The following CENPN variants were observed in gnomAD, a reference collection of about 807,000 sequenced individuals.
CENPN encodes the protein interphase centromere complex protein 32.
Under a neutral mutation model 48.6 loss-of-function variants are expected in CENPN, and 36 were observed. That is an observed-to-expected ratio of 0.74 (90% CI 0.57 to 0.98). The LOEUF (loss-of-function observed/expected upper bound fraction) is 0.98. Among genes scored for constraint, CENPN ranks in the 50% least tolerant of loss-of-function variants. The probability of loss-of-function intolerance (pLI) is 0.00; values close to 1 mark genes in which losing one functional copy is unlikely to be tolerated. For synonymous variants in CENPN, 166 were observed against 135.2 expected (o/e 1.23, Z -1.58); for missense variants, 439 against 399.2 (o/e 1.10, Z -0.85).
Position 81,022,619 on chromosome 16 carries a change from A to G in CENPN, c.554A>G (p.His185Arg), listed in dbSNP as rs1214987010. 1 of 1,613,924 alleles carries G rather than the reference A, an allele frequency of 6.2e-7. No homozygotes were observed. Among genetic ancestry groups the G allele is most frequent in the East Asian group, 2.2e-5 (1 of 44,866 alleles). Residue 185 changes from histidine (H) to arginine (R), a missense_variant, in exon 7 of 11, where the codon CAC (histidine) becomes CGC (arginine). By Grantham distance (29) the His-to-Arg change is conservative (BLOSUM62 0). Coordinates refer to ENST00000305850, the MANE Select transcript of CENPN (RefSeq NM_001100624.3). ...AAGGCGCTGACAATTGCTAGCAAAC[A>G]CCATCAGATTGTGAAAATGGACCTG... ...LGQALTIASK[H>R]HQIVKMDLRS... is the part of the protein sequence containing the mutation.
At chr16:81,013,079 AT>A (rs1567547713) in intron 2 of CENPN, among the ~76,000 whole-genome samples, 2 of 152,202 alleles carry the variant, frequency 1.3e-5, no homozygotes, top group African/African-American at 4.8e-5. Context: ...GTGTGTACTA[AT>A]GTTCACAGCA....
rs772391897 is a variant in CENPN at position 81,028,284 on chromosome 16, C to A, written c.924C>A (p.Ser308=). The part of the protein sequence containing the change: ...SSPHLLEALK[S]LAPAGIADAP... ...CACATCTTCTGGAAGCATTGAAATC[C>A]TTAGCACCAGCGGGTGAGTGGTCAG... Residue 308 remains serine, a synonymous_variant, in exon 10 of 11, where the codon TCC becomes TCA. Coordinates refer to ENST00000305850, the MANE Select transcript of CENPN (RefSeq NM_001100624.3). The A allele has an allele frequency of 1.2e-6, 2 of 1,614,006 alleles. No homozygotes were observed. The highest frequency in any genetic ancestry group is 8.5e-7 in the Non-Finnish European group (1 of 1,180,000).
rs1431026477 is a variant in CENPN, at chr16:81,024,816, G to A, written c.697+38G>A. On this transcript the variant is annotated intron_variant, in intron 8 of 10. Transcript: ENST00000305850. Reference sequence around the variant, plus strand: ...TAATATGAAACTGAATTTTGGAAATGCATCATTCCCTTATAGATTTCTTTC... The same window carrying A: ...TAATATGAAACTGAATTTTGGAAATACATCATTCCCTTATAGATTTCTTTC... The A allele has an allele frequency of 3.5e-5, 46 of 1,297,770 alleles. No individual in the cohort carries two copies. The Admixed American group carries it at 8.1e-4, about 23-fold the overall frequency. 80.4% of individuals were successfully genotyped at this position (1,297,770 alleles called of 1,614,324 possible). A position where few individuals can be genotyped will look rare whatever the true frequency, so the allele number is the denominator to read the frequency against.
At chr16:81,011,824 G>A in intron 1 of CENPN, 106 bp from the exon 2 acceptor site, 2 of 933,376 alleles carry the variant, frequency 2.1e-6, no homozygotes, top group Non-Finnish European at 3.2e-6. Flanking sequence ...GCAATCTAGT[G>A]AGACCCTGTC....
chr16:81,030,094 G>A lies in CENPN; in HGVS notation c.*1443G>A, dbSNP rs1567558435. On this transcript the variant is annotated 3_prime_UTR_variant, in exon 11 of 11. Transcript: ENST00000305850. ...AAACTTATTCACTACCATGAGAATA[G>A]TATGGGGGAAATCGTTCCCATGACT... 2 of 513,646 alleles carry A rather than the reference G, an allele frequency of 3.9e-6. No individual in the cohort carries two copies. The highest frequency in any genetic ancestry group is 2.1e-5 in the African/African-American group (1 of 47,912). The allele number at this position is 513,646 out of a possible 1,614,324, so 31.8% of individuals were successfully genotyped here.
At position 81,028,887 on chromosome 16, in the gene CENPN, T is replaced by C; in HGVS notation, c.*236T>C. The C allele has an allele frequency of 1.6e-6, 2 of 1,248,016 alleles. No homozygotes were observed. Among genetic ancestry groups the C allele is most frequent in the Non-Finnish European group, 1.0e-6 (1 of 995,044 alleles). The allele number at this position is 1,248,016 out of a possible 1,614,324, so 77.3% of individuals were successfully genotyped here. A position where few individuals can be genotyped will look rare whatever the true frequency, so the allele number is the denominator to read the frequency against. ...GTGGCATTTGAGATGACAGGACATATATATATATGGCCCCACACTTGACCT... is the reference window on the plus strand; with the variant it reads ...GTGGCATTTGAGATGACAGGACATACATATATATGGCCCCACACTTGACCT... On this transcript the variant is annotated 3_prime_UTR_variant, in exon 11 of 11. Transcript: ENST00000305850.
chr16:81,017,134 G>A, intron 3 of CENPN, 192 bp from the exon 4 acceptor site: 1 of 471,930 alleles, frequency 2.1e-6, no homozygotes, highest in Non-Finnish European at 3.7e-6. Flanking sequence ...GTTGAATTAA[G>A]TAATTATGAT....
At chr16:81,024,082 A>G (rs1476345371) in intron 7 of CENPN, 4 of 150,848 alleles carry the variant, frequency 2.7e-5, no homozygotes. Context: ...CTCTGTCTCA[A>G]AAAAAAAAGT....
chr16:81,007,708 G>A (rs1047640073), intron 1 of CENPN, among the ~76,000 whole-genome samples: 1 of 152,208 alleles, frequency 6.6e-6, no homozygotes, highest in African/African-American at 2.4e-5. Flanking sequence ...AGAGGTGTGT[G>A]GCTACGGGAA....
chr16:81,025,404 A>C (rs190956727), intron 8 of CENPN, among the ~76,000 whole-genome samples: 1 of 152,236 alleles, frequency 6.6e-6, no homozygotes, highest in Non-Finnish European at 1.5e-5. Flanking sequence ...AAACTTTCCT[A>C]TCTCTTAGTA....
chr16:81,028,982 T>C lies in CENPN; in HGVS notation c.*331T>C. 1 of 1,008,700 alleles carries C rather than the reference T, an allele frequency of 9.9e-7. No homozygotes were observed. The highest frequency in any genetic ancestry group is 4.5e-5 in the South Asian group (1 of 22,214). 62.5% of individuals were successfully genotyped at this position (1,008,700 alleles called of 1,614,324 possible). On this transcript the variant is annotated 3_prime_UTR_variant, in exon 11 of 11. Transcript: ENST00000305850. ...AAGACTTTTGGGTTTGTGTCCTTTT[T>C]TCTATGGCTGTCTCTTCTCAATTCT... is the stretch of plus-strand genomic sequence containing the variant.
Position 81,029,250 on chromosome 16 carries a change from CAT to C in CENPN, c.*600_*601del, listed in dbSNP as rs1313287457. On this transcript the variant is annotated 3_prime_UTR_variant, in exon 11 of 11. Transcript: ENST00000305850. Reference sequence around the variant, plus strand: ...TGATACTTCTCATAATCTATTTTATCATGTGTATAACATTCAAACTGACAAAT... The same window carrying C: ...TGATACTTCTCATAATCTATTTTATCGTGTATAACATTCAAACTGACAAAT... The C allele has an allele frequency of 5.5e-6, 5 of 912,580 alleles. No individual in the cohort carries two copies. The African/African-American group carries it at 9.0e-5, about 16-fold the overall frequency. The allele number at this position is 912,580 out of a possible 1,614,324, so 56.5% of individuals were successfully genotyped here. A position where few individuals can be genotyped will look rare whatever the true frequency, so the allele number is the denominator to read the frequency against.
intron 4 of CENPN, among the ~76,000 whole-genome samples, 160 bp from the exon 5 acceptor site, chr16:81,017,598 T>C (rs11866803): frequency 6.6e-6 from 1 of 152,010 alleles, no homozygotes; most frequent in African/African-American, 2.4e-5. Context: ...GAAACATACT[T>C]CTTGGTGCCA....
At position 81,029,057 on chromosome 16, in the gene CENPN, C is replaced by G. The variant is rs1359004402; in HGVS notation, c.*406C>G. The G allele has an allele frequency of 1.0e-5, 10 of 988,188 alleles. No homozygotes were observed. The highest frequency in any genetic ancestry group is 1.1e-5 in the Non-Finnish European group (9 of 832,148). 61.2% of individuals were successfully genotyped at this position (988,188 alleles called of 1,614,324 possible). On this transcript the variant is annotated 3_prime_UTR_variant, in exon 11 of 11. Transcript: ENST00000305850. ...GTTTCCAGGGATTGATTCTTAAGCT[C>G]TGGATCACAGAGAGAAGCAACAAGG... is the stretch of plus-strand genomic sequence containing the variant.
intron 6 of CENPN, among the ~76,000 whole-genome samples, chr16:81,020,841 A>G (rs952990032): frequency 4.6e-5 from 7 of 152,092 alleles, no homozygotes; most frequent in Admixed American, 4.6e-4. Context: ...TGTAATCCCA[A>G]TACTTTGGGA....
chr16:81,032,746 C>CAGGAGAGACATACATTTGA, downstream of CENPN: 1 of 1,554,116 alleles, frequency 6.4e-7, no homozygotes, highest in Non-Finnish European at 8.8e-7. Flanking sequence ...AAATGTATGT[C>CAGGAGAGACATACATTTGA]TCTCCTGATA....
chr16:81,019,495 G>A (rs912720103), intron 5 of CENPN, among the ~76,000 whole-genome samples: 36 of 152,026 alleles, frequency 2.4e-4, no homozygotes, highest in Admixed American at 1.2e-3. Flanking sequence ...TAGGATTACA[G>A]GCATAAGCCA....
At chr16:81,017,198 C>G in intron 3 of CENPN, 128 bp from the exon 4 acceptor site, 1 of 646,564 alleles carries the variant, frequency 1.5e-6, no homozygotes, top group Non-Finnish European at 2.7e-6. Flanking sequence ...ATTTTGAATA[C>G]AAATCTGTAT....
At chr16:81,010,665 TTA>T (rs1454877379) in intron 1 of CENPN, among the ~76,000 whole-genome samples, 2 of 142,790 alleles carry the variant, frequency 1.4e-5, no homozygotes, top group Non-Finnish European at 1.6e-5. Flanking sequence ...TATCTTAATA[TTA>T]ACAGATTCAG....
Sources: allele counts gnomAD v4.1 joint callset (sites outside exome capture counted in the v4.1 genomes callset), GRCh38; gene constraint gnomAD v4.1.1; transcripts MANE v1.5; gene names NCBI Gene and HGNC (gene_info 2026-07-23, HGNC 2026-07-21).